VPS39: variants seen among roughly 807,000 people sequenced by gnomAD.
VPS39 encodes VPS39 subunit of HOPS complex, also known as vam6/Vps39-like protein.
Under a neutral mutation model 121.0 loss-of-function variants are expected in VPS39, and 70 were observed. That is an observed-to-expected ratio of 0.58 (90% CI 0.48 to 0.71). VPS39 has a LOEUF of 0.71. VPS39 is among the 30% of genes least tolerant of loss of function. The pLI, the probability that VPS39 is intolerant of heterozygous loss-of-function variation, is 0.00. For missense variants in VPS39, 818 were observed against 1,051.5 expected (o/e 0.78, Z 3.07); for synonymous variants, 378 against 398.1 (o/e 0.95, Z 0.60).
chr15:42,169,745 A>G lies in VPS39; in HGVS notation c.1212T>C (p.Ala404=). The stretch of plus-strand genomic sequence containing the variant: ...CTACCTGTGTCAGGTAGTCAATCAG[A>G]GCTAAGTGAGCCTTCTCCAATTCAG... The part of the protein sequence containing the change: ...SGAELEKAHL[A]LIDYLTQKRS... The change falls in exon 12 of 25, where the codon GCT becomes GCC. Residue 404 remains alanine (A), a synonymous_variant. Transcript: ENST00000318006. 6.2e-7 allele frequency: 1 copy of G among 1,614,026 alleles called. No individual in the cohort carries two copies. The highest frequency in any genetic ancestry group is 8.5e-7 in the Non-Finnish European group (1 of 1,180,024).
intron 19 of VPS39, 50 bp downstream of exon 19, chr15:42,164,308 T>G: frequency 6.2e-7 from 1 of 1,608,158 alleles, no homozygotes; most frequent in Non-Finnish European, 8.5e-7. Context: ...TGGATTAGTC[T>G]TTGCATGACC....
intron 4 of VPS39, 36 bp from the exon 5 acceptor site, chr15:42,189,244 T>C: frequency 6.5e-7 from 1 of 1,546,680 alleles, no homozygotes; most frequent in Non-Finnish European, 8.9e-7. Context: ...GGATCAATGA[T>C]CATAATTCTC....
intron 1 of VPS39, among the ~76,000 whole-genome samples, chr15:42,205,248 A>G (rs2050144722): frequency 6.6e-6 from 1 of 152,186 alleles, no homozygotes; most frequent in Non-Finnish European, 1.5e-5. Context: ...GAGAGAGGCA[A>G]TAATAATTAA....
chr15:42,172,062 A>G (rs1402523416), intron 11 of VPS39, among the ~76,000 whole-genome samples: 2 of 152,144 alleles, frequency 1.3e-5, no homozygotes, highest in African/African-American at 2.4e-5. Context: ...TATATCATAC[A>G]TCCCATCCTA....
At position 42,162,079 on chromosome 15, in the gene VPS39, G is replaced by T; in HGVS notation, c.2413C>A (p.Arg805=). The change falls in exon 23 of 25, where the codon CGG becomes AGG. Residue 805 remains arginine (R), a synonymous_variant. Transcript: ENST00000318006. Reference sequence around the variant, plus strand: ...AGGTTCTTGAGCACTTGATTGAACCGTTTCTTTTGTGCATTTTCTTCCAAG... The same window carrying T: ...AGGTTCTTGAGCACTTGATTGAACCTTTTCTTTTGTGCATTTTCTTCCAAG... ...KVLEENAQKK[R]FNQVLKNLLH... is the part of the protein sequence containing the mutation. 2 of 1,614,178 alleles carry T rather than the reference G, an allele frequency of 1.2e-6. No individual in the cohort carries two copies.
At chr15:42,196,874 C>T (rs1042430248) in intron 2 of VPS39, among the ~76,000 whole-genome samples, 17 of 152,114 alleles carry the variant, frequency 1.1e-4, no homozygotes, top group South Asian at 4.1e-4. Flanking sequence ...CACATGCACA[C>T]GTATGTTTAA....
At chr15:42,190,419 A>G (rs1042964337) in intron 4 of VPS39, among the ~76,000 whole-genome samples, 1 of 152,216 alleles carries the variant, frequency 6.6e-6, no homozygotes, top group African/African-American at 2.4e-5. Flanking sequence ...TCAACAGCGC[A>G]AAGTGTGAGA....
At chr15:42,208,012 C>G in intron 1 of VPS39, 69 bp downstream of exon 1, 1 of 1,521,498 alleles carries the variant, frequency 6.6e-7, no homozygotes, top group Non-Finnish European at 8.9e-7. Context: ...GTCCACTTCC[C>G]CGGCCTCAGA....
intron 4 of VPS39, among the ~76,000 whole-genome samples, 194 bp downstream of exon 4, chr15:42,190,931 G>A (rs1190182150): frequency 9.9e-5 from 15 of 152,224 alleles, no homozygotes; most frequent in Admixed American, 8.5e-4. Flanking sequence ...TGAATAAAGT[G>A]AGACTCCTTG....
chr15:42,164,702 T>G (rs1245280291), intron 18 of VPS39: 7 of 1,430,958 alleles, frequency 4.9e-6, no homozygotes, highest in Non-Finnish European at 4.5e-6. Flanking sequence ...AGAGAAATAC[T>G]CTGTGGGCAA....
intron 10 of VPS39, among the ~76,000 whole-genome samples, chr15:42,175,100 C>A (rs2049422648): frequency 6.6e-6 from 1 of 152,106 alleles, no homozygotes; most frequent in Non-Finnish European, 1.5e-5. Flanking sequence ...AGAGAGAGCA[C>A]AGTGTACTCA....
In VPS39 at chr15:42,169,727, T is replaced by C; in HGVS notation, c.1230A>G (p.Thr410=). 6.2e-7 allele frequency: 1 copy of C among 1,613,840 alleles called. No individual in the cohort carries two copies. Among genetic ancestry groups the C allele is most frequent in the Non-Finnish European group, 8.5e-7 (1 of 1,179,994 alleles). The change falls in exon 12 of 25, where the codon ACA becomes ACG. Residue 410 remains threonine (T), a synonymous_variant. Transcript: ENST00000318006. ...ACGCACTCTGTACTATACCTACCTGTGTCAGGTAGTCAATCAGAGCTAAGT... is the reference window on the plus strand; with the variant it reads ...ACGCACTCTGTACTATACCTACCTGCGTCAGGTAGTCAATCAGAGCTAAGT... ...KAHLALIDYL[T]QKRSQLVKKL...
chr15:42,178,957 T>A (rs1031802368), intron 8 of VPS39: 1 of 179,436 alleles, frequency 5.6e-6, no homozygotes, highest in African/African-American at 2.4e-5. Flanking sequence ...CAATGAGCCA[T>A]AACTGCACCA....
intron 10 of VPS39, among the ~76,000 whole-genome samples, chr15:42,176,003 T>C (rs565138044): frequency 2.0e-5 from 3 of 152,326 alleles, no homozygotes; most frequent in African/African-American, 7.2e-5. Flanking sequence ...GTTTAGTTTG[T>C]AATTTCCCTC....
intron 15 of VPS39, 116 bp from the exon 16 acceptor site, chr15:42,166,348 G>A: frequency 8.2e-7 from 1 of 1,221,094 alleles, no homozygotes; most frequent in Non-Finnish European, 1.2e-6. Context: ...GCTCAAGCAT[G>A]AGCCACTTGG....
intron 2 of VPS39, among the ~76,000 whole-genome samples, chr15:42,195,874 G>C (rs2049926196): frequency 1.3e-5 from 2 of 152,132 alleles, no homozygotes; most frequent in African/African-American, 4.8e-5. Flanking sequence ...TCGATCCTAA[G>C]CAAAAAGAAC....
intron 1 of VPS39, among the ~76,000 whole-genome samples, chr15:42,204,479 G>A (rs942602426): frequency 2.6e-5 from 4 of 152,040 alleles, no homozygotes; most frequent in East Asian, 1.9e-4. Context: ...ACGAAACCCC[G>A]TCTCTACTAA....
chr15:42,160,904 A>G, intron 24 of VPS39, 75 bp from the exon 25 acceptor site: 1 of 1,484,536 alleles, frequency 6.7e-7, no homozygotes, highest in Non-Finnish European at 9.4e-7. Context: ...CACCTCCTAC[A>G]GAAGAGGCAC....
chr15:42,191,045 T>C (rs1452364674), intron 4 of VPS39, 80 bp downstream of exon 4: 2 of 1,512,368 alleles, frequency 1.3e-6, no homozygotes, highest in African/African-American at 2.8e-5. Context: ...GTAACCACTA[T>C]CAAATTAACC....
Sources: allele counts gnomAD v4.1 joint callset (sites outside exome capture counted in the v4.1 genomes callset), GRCh38; gene constraint gnomAD v4.1.1; transcripts MANE v1.5; gene names NCBI Gene and HGNC (gene_info 2026-07-23, HGNC 2026-07-21).